Variants in EBF1 observed in about 807,000 individuals in gnomAD.
The protein encoded by EBF1 is transcription factor COE1.
EBF1 carries 10 observed loss-of-function variants against 68.4 expected under a neutral mutation model. The observed-to-expected ratio is 0.15, with a 90% CI of 0.09 to 0.25. The LOEUF (loss-of-function observed/expected upper bound fraction) is 0.25, where lower values mean the gene tolerates loss of function less well. EBF1 is among the 10% of genes least tolerant of loss of function. EBF1 has a pLI of 1.00. For synonymous variants in EBF1, 298 were observed against 299.8 expected (o/e 0.99, Z 0.06); for missense variants, 509 against 794.4 (o/e 0.64, Z 4.32).
In EBF1 at chr5:158,696,335, A is replaced by C. The variant is rs965439380; in HGVS notation, c.*2776T>G. 2 of 221,544 alleles carry C rather than the reference A, an allele frequency of 9.0e-6. No individual in the cohort carries two copies. Among genetic ancestry groups the C allele is most frequent in the Non-Finnish European group, 1.8e-5 (2 of 110,894 alleles). 13.7% of individuals were successfully genotyped at this position (221,544 alleles called of 1,614,324 possible). ...GAGGGCCAGAATGTCTTTTCATCTA[A>C]TCAATAGAAATAGAAGCAACAAAAC... On this transcript the variant is annotated 3_prime_UTR_variant, in exon 16 of 16. Coordinates refer to ENST00000313708, the MANE Select transcript of EBF1 (RefSeq NM_024007.5).
At chr5:158,903,208 C>T (rs1193538077) in intron 6 of EBF1, among the ~76,000 whole-genome samples, 1 of 152,184 alleles carries the variant, frequency 6.6e-6, no homozygotes, top group African/African-American at 2.4e-5. Context: ...TCCCCTTCCC[C>T]GGGTCAGCTC....
At chr5:159,013,733 G>A (rs774187821) in intron 6 of EBF1, among the ~76,000 whole-genome samples, 20 of 152,214 alleles carry the variant, frequency 1.3e-4, no homozygotes, top group African/African-American at 2.4e-4. Flanking sequence ...CATCCCTATC[G>A]GCTGTACTAA....
At chr5:159,086,913 C>T (rs780533073) in intron 4 of EBF1, among the ~76,000 whole-genome samples, 8 of 152,048 alleles carry the variant, frequency 5.3e-5, no homozygotes, top group Non-Finnish European at 1.2e-4. Context: ...AGTTGCATTA[C>T]TCAAGAAAAT....
intron 6 of EBF1, among the ~76,000 whole-genome samples, chr5:158,871,358 TAATTA>T (rs980447968): frequency 3.9e-4 from 59 of 152,224 alleles, no homozygotes; most frequent in African/African-American, 1.4e-3. Context: ...TAAAAAATAA[TAATTA>T]AATAAAGTTC....
intron 10 of EBF1, among the ~76,000 whole-genome samples, chr5:158,743,681 C>G (rs1047465816): frequency 5.9e-5 from 9 of 152,058 alleles, no homozygotes; most frequent in Non-Finnish European, 7.4e-5. Context: ...AGCAACATGC[C>G]AGATGTAAGG....
chr5:158,796,360 C>T lies in EBF1; in HGVS notation c.894G>A (p.Met298Ile). ...CAACACCTACCTCACTCCAGACCAG[C>T]ATGGTACCGAATATGACCTGTAACC... Reference protein sequence around the residue: ...FDGLQVIFGTMLVWSELITPH... With the variant: ...FDGLQVIFGTILVWSELITPH... Residue 298 changes from methionine (M) to isoleucine (I), a missense_variant, in exon 9 of 16, where the codon ATG (methionine) becomes ATA (isoleucine). Met to Ile is a conservative substitution (Grantham distance 10, BLOSUM62 1). Transcript: ENST00000313708. The T allele has an allele frequency of 6.2e-7, 1 of 1,612,996 alleles. No homozygotes were observed. The highest frequency in any genetic ancestry group is 1.3e-5 in the African/African-American group (1 of 75,002).
intron 7 of EBF1, among the ~76,000 whole-genome samples, chr5:158,832,013 G>C (rs561537210): frequency 2.0e-5 from 3 of 152,292 alleles, no homozygotes; most frequent in Admixed American, 6.5e-5. Context: ...ATAACACTTA[G>C]TATGTTGTCT....
intron 6 of EBF1, among the ~76,000 whole-genome samples, chr5:158,990,874 G>A (rs1386735896): frequency 1.3e-5 from 2 of 152,100 alleles, no homozygotes; most frequent in Admixed American, 6.5e-5. Flanking sequence ...CAAGACATGG[G>A]CTAATCTCAA....
In EBF1 at chr5:158,974,703, T is replaced by C. The variant is rs79968867; in HGVS notation, c.554+98693A>G. ...AAACTATTTACCCAAAAGACTATAATGGTTCCAAAGAGTATTTTGTAAATC... is the reference window on the plus strand; with the variant it reads ...AAACTATTTACCCAAAAGACTATAACGGTTCCAAAGAGTATTTTGTAAATC... On this transcript the variant is annotated intron_variant, in intron 6 of 15. Transcript: ENST00000313708. 3.8e-3 allele frequency among the ~76,000 whole-genome samples: 585 copies of C among 152,336 alleles called. 3 individuals are homozygous for C. The East Asian group carries it at 0.048, about 12-fold the overall frequency.
intron 6 of EBF1, among the ~76,000 whole-genome samples, chr5:158,898,665 C>T (rs1472203955): frequency 6.6e-6 from 1 of 152,250 alleles, no homozygotes; most frequent in Admixed American, 6.5e-5. Flanking sequence ...AGACTTTCCA[C>T]TGGTAGTACT....
chr5:158,995,332 G>T (rs1761175297), intron 6 of EBF1, among the ~76,000 whole-genome samples: 1 of 152,136 alleles, frequency 6.6e-6, no homozygotes, highest in Non-Finnish European at 1.5e-5. Context: ...AAGGCACAAT[G>T]GTTTCATGTG....
intron 6 of EBF1, among the ~76,000 whole-genome samples, chr5:158,969,842 G>GAGGAAGAAAGAA (rs1755032440): frequency 1.5e-5 from 1 of 67,534 alleles, no homozygotes; most frequent in African/African-American, 5.9e-5. Flanking sequence ...AAGAAAGAAA[G>GAGGAAGAAAGAA]AGAAAGAAAG....
At chr5:158,712,356 G>A in intron 13 of EBF1, 23 bp from the exon 14 acceptor site, 3 of 1,611,530 alleles carry the variant, frequency 1.9e-6, no homozygotes, top group Non-Finnish European at 2.5e-6. Context: ...GGCAAAACCG[G>A]AGGTGAGGGT....
chr5:158,724,352 GA>G (rs1762554586), intron 11 of EBF1, among the ~76,000 whole-genome samples: 1 of 152,208 alleles, frequency 6.6e-6, no homozygotes, highest in Non-Finnish European at 1.5e-5. Context: ...GAGAGTGAGA[GA>G]GAGGCTAGTG....
chr5:158,940,650 T>C (rs1396838409), intron 6 of EBF1, among the ~76,000 whole-genome samples: 1 of 150,030 alleles, frequency 6.7e-6, no homozygotes, highest in Non-Finnish European at 1.5e-5. Flanking sequence ...CAGGGAGACA[T>C]CAAAGACAGG....
Position 158,696,230 on chromosome 5 carries a change from AT to A in EBF1, c.*2880del. 1 of 218,860 alleles carries A rather than the reference AT, an allele frequency of 4.6e-6. No homozygotes were observed. The highest frequency in any genetic ancestry group is 1.9e-4 in the South Asian group (1 of 5,374). 13.6% of individuals were successfully genotyped at this position (218,860 alleles called of 1,614,324 possible). A position where few individuals can be genotyped will look rare whatever the true frequency, so the allele number is the denominator to read the frequency against. ...AAATCTTAATTTAATTCTTCATTTC[AT>A]TTTCTTCTTAAAGCCATATTCTGTA... On this transcript the variant is annotated 3_prime_UTR_variant, in exon 16 of 16. Transcript: ENST00000313708.
At chr5:158,987,293 A>G (rs1441151246) in intron 6 of EBF1, 1 of 152,228 alleles carries the variant, frequency 6.6e-6, no homozygotes, top group Non-Finnish European at 1.5e-5. Flanking sequence ...TTCCAAGCAT[A>G]GTGTCTGGAG....
At chr5:159,056,228 G>T (rs945284312) in intron 6 of EBF1, among the ~76,000 whole-genome samples, 1 of 152,136 alleles carries the variant, frequency 6.6e-6, no homozygotes, top group Non-Finnish European at 1.5e-5. Context: ...GATTGATACT[G>T]GGAAGAAAGA....
intron 6 of EBF1, among the ~76,000 whole-genome samples, chr5:159,044,843 G>T (rs1355314941): frequency 6.6e-6 from 1 of 151,786 alleles, no homozygotes; most frequent in East Asian, 1.9e-4. Flanking sequence ...ATGTATATTT[G>T]TATATTTCTA....
Sources: gnomAD v4.1 joint callset for allele counts (sites outside exome capture counted in the v4.1 genomes callset) on GRCh38, gnomAD v4.1.1 for gene constraint, MANE v1.5 for transcripts, NCBI Gene and HGNC (gene_info 2026-07-23, HGNC 2026-07-21) for gene names.